The following PACS1 variants were observed in gnomAD, a reference collection of about 807,000 sequenced individuals.
PACS1 encodes PACS-1.
Under a neutral mutation model 115.0 loss-of-function variants are expected in PACS1, and 24 were observed. The observed-to-expected ratio is 0.21, with a 90% CI of 0.15 to 0.29. The LOEUF (loss-of-function observed/expected upper bound fraction) is 0.29. Among genes scored for constraint, PACS1 ranks in the 10% least tolerant of loss-of-function variants. The pLI is 1.00. For missense variants in PACS1, 838 were observed against 1,251.2 expected, an observed-to-expected ratio of 0.67 and a Z score of 4.98; for synonymous variants, 453 against 504.5, an observed-to-expected ratio of 0.90 and a Z score of 1.37.
chr11:66,156,224 A>AGTT, intron 1 of PACS1, among the ~76,000 whole-genome samples: 1 of 61,162 alleles, frequency 1.6e-5, no homozygotes, highest in South Asian at 4.2e-4. Context: ...ATATATATAT[A>AGTT]TATATATATA....
chr11:66,174,924 G>A (rs1204009942), intron 1 of PACS1, among the ~76,000 whole-genome samples: 1 of 152,192 alleles, frequency 6.6e-6, no homozygotes, highest in African/African-American at 2.4e-5. Context: ...GCCTAGGCGG[G>A]TGGATCACCT....
chr11:66,074,688 C>T (rs1245884996), intron 1 of PACS1, among the ~76,000 whole-genome samples: 2 of 152,074 alleles, frequency 1.3e-5, no homozygotes, highest in Non-Finnish European at 1.5e-5. Context: ...CTCCTTAGGT[C>T]ACATTTTTTT....
At chr11:66,134,098 C>T (rs1176210022) in intron 1 of PACS1, among the ~76,000 whole-genome samples, 3 of 152,022 alleles carry the variant, frequency 2.0e-5, no homozygotes, top group African/African-American at 7.2e-5. Context: ...CCAGGTTCCT[C>T]TCTGTGCTCC....
At chr11:66,160,663 ATTTTTTTT>A (rs58145434) in intron 1 of PACS1, among the ~76,000 whole-genome samples, 68 of 116,164 alleles carry the variant, frequency 5.9e-4, no homozygotes, top group Admixed American at 1.3e-3. Context: ...TGCCTGGCTG[ATTTTTTTT>A]TTTTTTTTTT....
At chr11:66,173,105 T>G (rs963041760) in intron 1 of PACS1, among the ~76,000 whole-genome samples, 1 of 148,884 alleles carries the variant, frequency 6.7e-6, no homozygotes, top group Non-Finnish European at 1.5e-5. Context: ...TTTTTTTTTG[T>G]TTTTTTTTGT....
chr11:66,242,812 C>A (rs1312899505), intron 22 of PACS1, 100 bp from the exon 23 acceptor site: 2 of 1,526,272 alleles, frequency 1.3e-6, no homozygotes, highest in Admixed American at 3.6e-5. Flanking sequence ...TTGCAGATCA[C>A]CTCCCCTCGC....
chr11:66,220,415 G>A, intron 8 of PACS1: 1 of 565,074 alleles, frequency 1.8e-6, no homozygotes, highest in Non-Finnish European at 3.2e-6. Flanking sequence ...TTCACAGTGT[G>A]GAGCGGTGGC....
At chr11:66,195,189 G>A (rs981979583) in intron 2 of PACS1, among the ~76,000 whole-genome samples, 2 of 152,182 alleles carry the variant, frequency 1.3e-5, no homozygotes, top group African/African-American at 4.8e-5. Flanking sequence ...ACTCCAGCCT[G>A]GGTGACAGAA....
At chr11:66,119,176 A>G (rs1365962968) in intron 1 of PACS1, among the ~76,000 whole-genome samples, 2 of 152,250 alleles carry the variant, frequency 1.3e-5, no homozygotes, top group African/African-American at 4.8e-5. Context: ...CAGGATCACC[A>G]GACTCTGTGG....
At chr11:66,177,395 C>T (rs533409921) in intron 1 of PACS1, among the ~76,000 whole-genome samples, 11 of 151,982 alleles carry the variant, frequency 7.2e-5, no homozygotes, top group Non-Finnish European at 1.6e-4. Context: ...TTCTCCATGT[C>T]GGTCAAGCTG....
intron 1 of PACS1, among the ~76,000 whole-genome samples, chr11:66,189,086 TA>T (rs1854457114): frequency 6.6e-6 from 1 of 152,116 alleles, no homozygotes; most frequent in Non-Finnish European, 1.5e-5. Context: ...CTGTGAAACT[TA>T]AAAGAGATAA....
intron 11 of PACS1, 97 bp downstream of exon 11, chr11:66,227,681 T>A: frequency 1.4e-6 from 1 of 734,170 alleles, no homozygotes; most frequent in Non-Finnish European, 2.3e-6. Flanking sequence ...CATAGAAATT[T>A]CACCTAAATC....
intron 1 of PACS1, among the ~76,000 whole-genome samples, chr11:66,071,495 A>G (rs1857310054): frequency 6.6e-6 from 1 of 152,172 alleles, no homozygotes; most frequent in Non-Finnish European, 1.5e-5. Flanking sequence ...CCTTGTTCCT[A>G]AATTCAATCC....
chr11:66,119,138 G>A (rs1858384375), intron 1 of PACS1, among the ~76,000 whole-genome samples: 1 of 152,202 alleles, frequency 6.6e-6, no homozygotes, highest in South Asian at 2.1e-4. Context: ...CTTCTGACCG[G>A]TAGCGTTAAT....
At chr11:66,217,856 C>G in intron 7 of PACS1, 2 of 283,722 alleles carry the variant, frequency 7.0e-6, no homozygotes, top group South Asian at 5.9e-5. Flanking sequence ...TGCTCTGTAA[C>G]CAGAAAGCGG....
rs1402473960 is a variant in PACS1 at position 66,230,557 on chromosome 11, G to A, written c.1384G>A (p.Asp462Asn). Residue 462 changes from aspartate to asparagine, a missense_variant, in exon 12 of 24, where the codon GAC becomes AAC. Transcript: ENST00000320580. ...CTCTCCTCCATGGTAGGAAATCACT[G>A]ACCAGGACATGTTTGGAGATGCCAG... ...LTETDTLEIT[D>N]QDMFGDASTS... 6.2e-6 allele frequency: 10 copies of A among 1,613,322 alleles called. No individual in the cohort carries two copies. The highest frequency in any genetic ancestry group is 1.7e-5 in the Admixed American group (1 of 60,006).
At chr11:66,190,202 G>GT (rs1195015214) in intron 1 of PACS1, among the ~76,000 whole-genome samples, 6 of 152,118 alleles carry the variant, frequency 3.9e-5, no homozygotes, top group Non-Finnish European at 7.3e-5. Context: ...AATTGCAGCA[G>GT]TTTTTTTCTT....
At chr11:66,238,546 G>A in intron 19 of PACS1, 1 of 408,816 alleles carries the variant, frequency 2.4e-6, no homozygotes, top group African/African-American at 2.1e-5. Context: ...TGTCGCCCAG[G>A]CTGGAGTGCA....
intron 2 of PACS1, 29 bp from the exon 3 acceptor site, chr11:66,210,333 G>C: frequency 6.3e-7 from 1 of 1,584,344 alleles, no homozygotes; most frequent in South Asian, 1.1e-5. Context: ...ACTGCACCTG[G>C]CCAAACAGAC....
Sources: gnomAD v4.1 joint callset for allele counts (sites outside exome capture counted in the v4.1 genomes callset) on GRCh38, gnomAD v4.1.1 for gene constraint, MANE v1.5 for transcripts, NCBI Gene and HGNC (gene_info 2026-07-23, HGNC 2026-07-21) for gene names.